RIOX2: variants seen among roughly 807,000 people sequenced by gnomAD.
RIOX2 encodes 60S ribosomal protein L27a histidine hydroxylase.
In RIOX2, 43 loss-of-function variants were observed where a neutral mutation model predicts 51.2. The observed-to-expected ratio is 0.84, with a 90% CI of 0.66 to 1.08. The LOEUF (loss-of-function observed/expected upper bound fraction) is 1.08. Among genes scored for constraint, RIOX2 ranks in the 50% least tolerant of loss-of-function variants. RIOX2 has a pLI of 0.00. For synonymous variants in RIOX2, 226 were observed against 218.5 expected, an observed-to-expected ratio of 1.03 and a Z score of -0.30; for missense variants, 566 against 561.7, an observed-to-expected ratio of 1.01 and a Z score of -0.08.
Position 97,942,387 on chromosome 3 carries a change from A to C in RIOX2, c.*2797T>G. On this transcript the variant is annotated 3_prime_UTR_variant, in exon 10 of 10. Coordinates refer to ENST00000394198, the MANE Select transcript of RIOX2 (RefSeq NM_153182.4). ...CAATTCAGGCAGAAGTGGAGACTGA[A>C]TAAAAATGGAACTATCAGCTCTTAT... The C allele has an allele frequency of 1.2e-6, 2 of 1,611,982 alleles. No individual in the cohort carries two copies. The highest frequency in any genetic ancestry group is 1.7e-6 in the Non-Finnish European group (2 of 1,178,580).
rs375216920 is a variant in RIOX2, at chr3:97,942,636, G to T, written c.*2548C>A. Reference sequence around the variant, plus strand: ...AGAAAAAGCCAAACAACAAAGCTTAGGGTTTTTGTTCATTAGTACAGTTGT... The same window carrying T: ...AGAAAAAGCCAAACAACAAAGCTTATGGTTTTTGTTCATTAGTACAGTTGT... On this transcript the variant is annotated 3_prime_UTR_variant, in exon 10 of 10. Transcript: ENST00000394198. 21 of 522,228 alleles carry T rather than the reference G, an allele frequency of 4.0e-5. No homozygotes were observed. The highest frequency in any genetic ancestry group is 2.2e-4 in the East Asian group (7 of 31,760). 32.3% of individuals were successfully genotyped at this position (522,228 alleles called of 1,614,324 possible).
rs1369809791 is a variant in RIOX2, at chr3:97,941,991, AC to A, written c.*3192del. 1 of 220,544 alleles carries A rather than the reference AC, an allele frequency of 4.5e-6. No individual in the cohort carries two copies. Among genetic ancestry groups the A allele is most frequent in the African/African-American group, 2.3e-5 (1 of 43,978 alleles). The allele number at this position is 220,544 out of a possible 1,614,324, so 13.7% of individuals were successfully genotyped here. ...TACGTTTTAAGCAAACAGGGATTTA[AC>A]ATTTAATTCCAATTCACCAAATCTT... On this transcript the variant is annotated 3_prime_UTR_variant, in exon 10 of 10. Transcript: ENST00000394198.
At chr3:97,955,486 C>T (rs1705415658) in intron 4 of RIOX2, among the ~76,000 whole-genome samples, 1 of 151,866 alleles carries the variant, frequency 6.6e-6, no homozygotes, top group Non-Finnish European at 1.5e-5. Flanking sequence ...AGACCATGAG[C>T]CCTGGAGAAA....
At chr3:97,949,210 G>A (rs1191280187) in intron 7 of RIOX2, among the ~76,000 whole-genome samples, 1 of 152,090 alleles carries the variant, frequency 6.6e-6, no homozygotes, top group Non-Finnish European at 1.5e-5. Context: ...CCCTGGGGTT[G>A]GGGGCGGTGA....
chr3:97,946,172 T>C (rs768774602), intron 8 of RIOX2, among the ~76,000 whole-genome samples: 2 of 152,138 alleles, frequency 1.3e-5, no homozygotes, highest in Non-Finnish European at 2.9e-5. Context: ...TGGAAGAGCA[T>C]CTTCAGGATT....
intron 4 of RIOX2, among the ~76,000 whole-genome samples, chr3:97,958,291 T>C (rs1705531545): frequency 6.6e-6 from 1 of 152,202 alleles, no homozygotes; most frequent in African/African-American, 2.4e-5. Context: ...ATAACTATTG[T>C]TTTATTGCTA....
At chr3:97,958,492 C>T (rs927059560) in intron 4 of RIOX2, among the ~76,000 whole-genome samples, 2 of 152,180 alleles carry the variant, frequency 1.3e-5, no homozygotes, top group Non-Finnish European at 2.9e-5. Flanking sequence ...GATTAAGCCA[C>T]CTGAATCCCC....
intron 2 of RIOX2, among the ~76,000 whole-genome samples, chr3:97,962,069 T>C (rs972683646): frequency 1.3e-5 from 2 of 152,088 alleles, no homozygotes; most frequent in African/African-American, 4.8e-5. Context: ...TCAGAGAGAC[T>C]AGTGAGGAAG....
chr3:97,945,465 C>T, intron 9 of RIOX2, 123 bp from the exon 10 acceptor site: 1 of 836,316 alleles, frequency 1.2e-6, no homozygotes, highest in South Asian at 1.9e-5. Flanking sequence ...GTATTTTAGA[C>T]ACACTACAAT....
chr3:97,965,369 A>G (rs864973), intron 2 of RIOX2, among the ~76,000 whole-genome samples: 37,652 of 151,952 alleles, frequency 0.25, 5,329 homozygotes, highest in African/African-American at 0.4. Context: ...AAAATTAGCC[A>G]GGCATGGTGG....
chr3:97,966,616 C>A (rs958716634), intron 2 of RIOX2, among the ~76,000 whole-genome samples: 2 of 152,228 alleles, frequency 1.3e-5, no homozygotes, highest in African/African-American at 4.8e-5. Context: ...TTACCAGGAG[C>A]AGTTCCAGGT....
chr3:97,952,213 G>A (rs745820136), intron 5 of RIOX2: 1 of 1,289,698 alleles, frequency 7.8e-7, no homozygotes, highest in African/African-American at 1.5e-5. Flanking sequence ...GGGGAGCAAT[G>A]GCCCTCAAGT....
At position 97,943,279 on chromosome 3, in the gene RIOX2, GAAGA is replaced by G; in HGVS notation, c.*1901_*1904del. ...AATTGTAAATCAGCCCCTGGAGGGA[GAAGA>G]AACACAGAAATGGGACATTGAAATA... On this transcript the variant is annotated 3_prime_UTR_variant, in exon 10 of 10. Transcript: ENST00000394198. 1 of 1,592,690 alleles carries G rather than the reference GAAGA, an allele frequency of 6.3e-7. No individual in the cohort carries two copies. The highest frequency in any genetic ancestry group is 8.6e-7 in the Non-Finnish European group (1 of 1,162,100).
chr3:97,967,619 A>G lies in RIOX2; in HGVS notation c.-26T>C. 1 of 1,529,930 alleles carries G rather than the reference A, an allele frequency of 6.5e-7. No individual in the cohort carries two copies. Among genetic ancestry groups the G allele is most frequent in the Non-Finnish European group, 8.7e-7 (1 of 1,147,216 alleles). The allele number at this position is 1,529,930 out of a possible 1,614,324, so 94.8% of individuals were successfully genotyped here. A position where few individuals can be genotyped will look rare whatever the true frequency, so the allele number is the denominator to read the frequency against. ...CGTTCTGTCTTCAAGACAAAGCAGT[A>G]AGGAAATGCAAACCTACCAAAAGAA... On this transcript the variant is annotated 5_prime_UTR_variant, in exon 2 of 10. Transcript: ENST00000394198.
intron 2 of RIOX2, among the ~76,000 whole-genome samples, chr3:97,962,854 T>C (rs1314898244): frequency 6.6e-6 from 1 of 152,172 alleles, no homozygotes; most frequent in African/African-American, 2.4e-5. Flanking sequence ...GGAGCCAGGA[T>C]TCAAATTCAG....
At chr3:97,946,541 A>AT (rs1402838796) in intron 8 of RIOX2, among the ~76,000 whole-genome samples, 146 of 136,390 alleles carry the variant, frequency 1.1e-3, no homozygotes, top group South Asian at 2.8e-3. Flanking sequence ...CAGAATCACT[A>AT]TTTTTTTTTT....
Position 97,944,123 on chromosome 3 carries a change from T to C in RIOX2, c.*1061A>G, listed in dbSNP as rs2107120465. 1 of 151,874 alleles carries C rather than the reference T, an allele frequency of 6.6e-6. No homozygotes were observed. The highest frequency in any genetic ancestry group is 1.5e-5 in the Non-Finnish European group (1 of 67,816). 9.4% of individuals were successfully genotyped at this position (151,874 alleles called of 1,614,324 possible). ...GAGAGGCATCAATTTTTTTTTTTTT[T>C]TGCCTCAAGAGAAATTTCAAATATC... On this transcript the variant is annotated 3_prime_UTR_variant, in exon 10 of 10. Transcript: ENST00000394198.
chr3:97,959,306 GTTTTTTTTTT>G (rs67345115), intron 3 of RIOX2, 127 bp from the exon 4 acceptor site: 1 of 236,722 alleles, frequency 4.2e-6, no homozygotes, highest in Non-Finnish European at 7.1e-6. Flanking sequence ...AACAACACAG[GTTTTTTTTTT>G]TTTTTTTTTT....
At position 97,949,827 on chromosome 3, in the gene RIOX2, A is replaced by G; in HGVS notation, c.1060+17T>C. On this transcript the variant is annotated intron_variant, in intron 7 of 9. Transcript: ENST00000394198. ...GCATTAGCCTCTGACCACCCAGAAGAAAACAGCAAGCTCCACCTGGTGTTG... is the reference window on the plus strand; with the variant it reads ...GCATTAGCCTCTGACCACCCAGAAGGAAACAGCAAGCTCCACCTGGTGTTG... 6.2e-7 allele frequency: 1 copy of G among 1,610,898 alleles called. No homozygotes were observed. The highest frequency in any genetic ancestry group is 8.5e-7 in the Non-Finnish European group (1 of 1,178,670).
Sources: gnomAD v4.1 joint callset for allele counts (sites outside exome capture counted in the v4.1 genomes callset) on GRCh38, gnomAD v4.1.1 for gene constraint, MANE v1.5 for transcripts, NCBI Gene and HGNC (gene_info 2026-07-23, HGNC 2026-07-21) for gene names.